IFT56: variants seen among roughly 807,000 people sequenced by gnomAD.
IFT56 encodes the protein intraflagellar transport 56, also known as intraflagellar transport protein 56.
the IFT56 span, chr7:139,134,764 A>G: frequency 6.2e-7 from 1 of 1,613,886 alleles, no homozygotes; most frequent in African/African-American, 1.3e-5. Context: ...TCAAAAAGAG[A>G]TTTCACTGGA....
chr7:139,141,641 G>A, the IFT56 span, among the ~76,000 whole-genome samples: 1 of 152,000 alleles, frequency 6.6e-6, no homozygotes, highest in East Asian at 1.9e-4. Flanking sequence ...GACTTTTTCT[G>A]TAAAAGAGAT....
At chr7:139,188,588 G>A in the IFT56 span, among the ~76,000 whole-genome samples, 1 of 152,154 alleles carries the variant, frequency 6.6e-6, no homozygotes, top group Non-Finnish European at 1.5e-5. Context: ...AAAACATTTG[G>A]TTAGGTGAAA....
chr7:139,135,498 C>T, the IFT56 span, among the ~76,000 whole-genome samples: 12 of 152,264 alleles, frequency 7.9e-5, no homozygotes, highest in East Asian at 1.9e-4. Flanking sequence ...AACATGCTTA[C>T]GGTTGAAAAT....
At chr7:139,179,519 A>AT in the IFT56 span, 1 of 1,480,130 alleles carries the variant, frequency 6.8e-7, no homozygotes, top group Non-Finnish European at 9.4e-7. Context: ...AATAATGGGT[A>AT]TTTTTATTGC....
At chr7:139,173,231 T>G in the IFT56 span, 1 of 482,618 alleles carries the variant, frequency 2.1e-6, no homozygotes, top group Non-Finnish European at 3.7e-6. Context: ...TCACCTTTTT[T>G]TTTTTTTTTT....
At chr7:139,179,490 C>A in the IFT56 span, 1 of 1,102,258 alleles carries the variant, frequency 9.1e-7, no homozygotes, top group Non-Finnish European at 1.4e-6. Context: ...CTACAGTGAT[C>A]ATCAATCTAA....
the IFT56 span, chr7:139,142,157 A>G: frequency 8.1e-7 from 1 of 1,240,136 alleles, no homozygotes; most frequent in Non-Finnish European, 1.2e-6. Flanking sequence ...GGATCAGATG[A>G]GTAAGGTTTG....
the IFT56 span, among the ~76,000 whole-genome samples, chr7:139,143,709 T>C: frequency 2.6e-5 from 4 of 152,140 alleles, no homozygotes; most frequent in Non-Finnish European, 5.9e-5. Context: ...ATAACTGCCA[T>C]CCTGTTATTA....
the IFT56 span, chr7:139,140,109 G>A: frequency 1.5e-6 from 1 of 679,400 alleles, no homozygotes; most frequent in South Asian, 2.4e-5. Context: ...AAAAAAAATT[G>A]ATATTAGAAA....
chr7:139,171,269 A>T, the IFT56 span, among the ~76,000 whole-genome samples: 6 of 152,234 alleles, frequency 3.9e-5, no homozygotes, highest in Admixed American at 3.9e-4. Flanking sequence ...CATACTACCC[A>T]AAGCAATCTG....
the IFT56 span, chr7:139,173,583 G>C: frequency 1.2e-6 from 1 of 818,546 alleles, no homozygotes; most frequent in Non-Finnish European, 2.2e-6. Context: ...ACCAACAGGA[G>C]AGTGTAATCA....
At chr7:139,147,009 C>G in the IFT56 span, 1 of 1,533,402 alleles carries the variant, frequency 6.5e-7, no homozygotes, top group South Asian at 1.2e-5. Flanking sequence ...AGACAAAGAA[C>G]CTAAGGGAAA....
chr7:139,151,577 CAG>C, the IFT56 span, among the ~76,000 whole-genome samples: 13 of 151,924 alleles, frequency 8.6e-5, no homozygotes, highest in African/African-American at 2.9e-4. Context: ...ATCTGTAAAA[CAG>C]GGAAAAAATG....
At chr7:139,135,294 AAAAAC>A in the IFT56 span, among the ~76,000 whole-genome samples, 13,826 of 136,024 alleles carry the variant, frequency 0.1, 1,461 homozygotes, top group African/African-American at 0.29. Flanking sequence ...AAAAAAAAAA[AAAAAC>A]AAAACAAAAC....
the IFT56 span, among the ~76,000 whole-genome samples, chr7:139,144,851 T>C: frequency 3.3e-5 from 5 of 152,160 alleles, no homozygotes; most frequent in East Asian, 9.6e-4. Flanking sequence ...TTCTTAAATA[T>C]ATTGATAATA....
At chr7:139,172,884 C>T in the IFT56 span, 1 of 698,100 alleles carries the variant, frequency 1.4e-6, no homozygotes, top group East Asian at 3.0e-5. Flanking sequence ...TAGGTGAAGA[C>T]AATCTGCTAT....
At chr7:139,137,283 C>A in the IFT56 span, among the ~76,000 whole-genome samples, 2 of 152,228 alleles carry the variant, frequency 1.3e-5, no homozygotes, top group Admixed American at 6.5e-5. Flanking sequence ...GTCTTCTGAA[C>A]ATCCTTAACT....
At chr7:139,178,573 C>T in the IFT56 span, 1 of 1,614,168 alleles carries the variant, frequency 6.2e-7, no homozygotes, top group African/African-American at 1.3e-5. Flanking sequence ...AAAGCTGCAA[C>T]AGGCAATACC....
At chr7:139,151,816 C>T in the IFT56 span, among the ~76,000 whole-genome samples, 3 of 152,176 alleles carry the variant, frequency 2.0e-5, no homozygotes, top group Non-Finnish European at 2.9e-5. Context: ...AATCCCAGAA[C>T]TTTGGGAGGC....
Sources: gnomAD v4.1 joint callset for allele counts (sites outside exome capture counted in the v4.1 genomes callset) on GRCh38, gnomAD v4.1.1 for gene constraint, MANE v1.5 for transcripts, NCBI Gene and HGNC (gene_info 2026-07-23, HGNC 2026-07-21) for gene names.